The following VPS16 variants were observed in gnomAD, a reference collection of about 807,000 sequenced individuals.
The protein encoded by VPS16 is vacuolar protein sorting-associated protein 16 homolog.
A neutral mutation model predicts 116.0 loss-of-function variants in VPS16; 82 were observed. The ratio of observed to expected loss-of-function variants is 0.71; its 90% CI spans 0.59 to 0.85. VPS16 has a LOEUF of 0.85. VPS16 is among the 40% of genes least tolerant of loss of function. VPS16 has a pLI of 0.00. For missense variants in VPS16, 928 were observed against 1,090.6 expected (o/e 0.85, Z 2.10); for synonymous variants, 406 against 420.7 (o/e 0.96, Z 0.43).
At chr20:2,854,370 A>G (rs550422729) in intron 1 of VPS16, among the ~76,000 whole-genome samples, 1 of 152,034 alleles carries the variant, frequency 6.6e-6, no homozygotes, top group African/African-American at 2.4e-5. Context: ...TCAAGGCTAC[A>G]GTGAGCCATG....
At position 2,851,112 on chromosome 20, in the gene VPS16, A is replaced by G. The variant is rs140426492; in HGVS notation, c.54-8607A>G. On this transcript the variant is annotated intron_variant, in intron 1 of 23. Transcript: ENST00000380445. ...GGTTCAGACCTCGTTGGAAAAATAC[A>G]GTTGCAGCCCACTGGATGGCAGAGA... 5.2e-3 allele frequency among the ~76,000 whole-genome samples: 796 copies of G among 152,324 alleles called. 5 individuals carry two copies. The highest frequency in any genetic ancestry group is 0.018 in the African/African-American group (736 of 41,560).
rs777107234 is a variant in VPS16 at position 2,864,686 on chromosome 20, G to GGGGCGTGTT, written c.1926+36_1926+37insGTGTTGGGC. 8.1e-6 allele frequency: 13 copies of GGGGCGTGTT among 1,606,416 alleles called. No homozygotes were observed. The African/African-American group carries it at 1.7e-4, about 21-fold the overall frequency. ...GATCCATGGGGCGTGTGGGGCGTGT[G>GGGGCGTGTT]GGGCATGTGGGCTGGGGCTGTTGGT... On this transcript the variant is annotated intron_variant, in intron 19 of 23. Coordinates refer to ENST00000380445, the MANE Select transcript of VPS16 (RefSeq NM_022575.4). The surrounding 1 kb of genome is among the most constrained non-coding windows in gnomAD (Gnocchi z 5.2).
In VPS16 at chr20:2,864,597, T is replaced by G. The variant is rs1219853971; in HGVS notation, c.1869T>G (p.Asp623Glu). Residue 623 changes from aspartate (D) to glutamate (E), a missense_variant, in exon 19 of 24, where the codon GAT becomes GAG. By Grantham distance (45) the Asp-to-Glu change is conservative. Transcript: ENST00000380445. The surrounding 1 kb of genome is among the most constrained non-coding windows in gnomAD (Gnocchi z 5.2). Reference sequence around the variant, plus strand: ...CGCTGAAGGACCTTTACAATCAGGATGACAATCACCAGGAATTGGGCAGCT... The same window carrying G: ...CGCTGAAGGACCTTTACAATCAGGAGGACAATCACCAGGAATTGGGCAGCT... ...LETLKDLYNQ[D>E]DNHQELGSFH... is the part of the protein sequence containing the mutation. 6.2e-7 allele frequency: 1 copy of G among 1,614,104 alleles called. No individual in the cohort carries two copies. The highest frequency in any genetic ancestry group is 2.2e-5 in the East Asian group (1 of 44,878).
chr20:2,859,102 A>T (rs2089201363), intron 1 of VPS16, among the ~76,000 whole-genome samples: 1 of 152,172 alleles, frequency 6.6e-6, no homozygotes, highest in Non-Finnish European at 1.5e-5. Flanking sequence ...GTTTGAGACC[A>T]GCCTGGGCAA....
At chr20:2,862,011 G>A (rs1055988102) in intron 10 of VPS16, 43 bp from the exon 11 acceptor site, 5 of 1,610,112 alleles carry the variant, frequency 3.1e-6, no homozygotes, top group Non-Finnish European at 4.2e-6. Flanking sequence ...AGGGCTGAGG[G>A]TTTCCCTGCC....
Position 2,842,672 on chromosome 20 carries a change from CTA to C in VPS16, c.53+1856_53+1857del, listed in dbSNP as rs1231159705. 1.6e-4 allele frequency among the ~76,000 whole-genome samples: 22 copies of C among 139,370 alleles called. 1 individual carries two copies. The highest frequency in any genetic ancestry group is 2.1e-4 in the Admixed American group (3 of 14,246). 91.4% of individuals were successfully genotyped at this position (139,370 alleles called of 152,430 possible). On this transcript the variant is annotated intron_variant, in intron 1 of 23. Coordinates refer to ENST00000380445, the MANE Select transcript of VPS16 (RefSeq NM_022575.4). ...GATATAGATAGATATATAGATGTAT[CTA>C]TATATATATAGATACATCTAGATGT... is the stretch of plus-strand genomic sequence containing the variant.
chr20:2,862,287 C>T (rs2089238304), intron 11 of VPS16, among the ~76,000 whole-genome samples, 157 bp downstream of exon 11: 2 of 152,184 alleles, frequency 1.3e-5, no homozygotes, highest in Admixed American at 1.3e-4. Flanking sequence ...TGAAGAGACA[C>T]TATGTCCTCC....
chr20:2,860,094 T>A lies in VPS16; in HGVS notation c.183T>A (p.Ser61Arg). Residue 61 changes from serine to arginine, a missense_variant, in exon 3 of 24, where the codon AGT (serine) becomes AGA (arginine). By Grantham distance (110) the Ser-to-Arg change is moderately radical. Coordinates refer to ENST00000380445, the MANE Select transcript of VPS16 (RefSeq NM_022575.4). This position sits in a 1 kb window ranked among gnomAD's most constrained non-coding sequence, Gnocchi z 6.1. ...RNPWRKEKAASVRPVLDIYSA... is the reference protein window; with the variant it reads ...RNPWRKEKAARVRPVLDIYSA... ...CCTGGCGGAAGGAGAAAGCTGCTAG[T>A]GTGAGGCCAGTGCTCGATATATACT... 1.2e-6 allele frequency: 2 copies of A among 1,614,034 alleles called. No individual in the cohort carries two copies. The highest frequency in any genetic ancestry group is 8.5e-7 in the Non-Finnish European group (1 of 1,180,002).
At position 2,866,226 on chromosome 20, in the gene VPS16, C is replaced by A. The variant is rs759963744; in HGVS notation, c.2286C>A (p.Ile762=). 12 of 1,614,050 alleles carry A rather than the reference C, an allele frequency of 7.4e-6. No homozygotes were observed. The African/African-American group carries it at 1.1e-4, about 14-fold the overall frequency. The stretch of plus-strand genomic sequence containing the variant: ...TCTCCTCCAAGCCTTTTGTGGAGAT[C>A]TGCATGAAACAACATAACAAATACG... The part of the protein sequence containing the change: ...SPIGYLPFVE[I]CMKQHNKYEA... The change falls in exon 23 of 24, where the codon ATC becomes ATA. Residue 762 remains isoleucine (I), a synonymous_variant. Transcript: ENST00000380445.
In VPS16 at chr20:2,865,083, C is replaced by A; in HGVS notation, c.2004+28C>A. ...TTGGCCCACCTTTTTCCAAGAGCCT[C>A]CTCGTCTCCTGGTCTTCCCTCCTGG... On this transcript the variant is annotated intron_variant, in intron 20 of 23. Coordinates refer to ENST00000380445, the MANE Select transcript of VPS16 (RefSeq NM_022575.4). This position sits in a 1 kb window ranked among gnomAD's most constrained non-coding sequence, Gnocchi z 5.2. 6.2e-7 allele frequency: 1 copy of A among 1,614,190 alleles called. No individual in the cohort carries two copies. The highest frequency in any genetic ancestry group is 1.3e-5 in the African/African-American group (1 of 75,040).
Position 2,864,013 on chromosome 20 carries a change from C to T in VPS16, c.1541C>T (p.Thr514Met), listed in dbSNP as rs752434349. ...GCCATTAACCAGAAGCTGGGGGACA[C>T]GCCTGGTGTCTCTTACTCCGACATT... ...ARAINQKLGDTPGVSYSDIAA... is the reference protein window; with the variant it reads ...ARAINQKLGDMPGVSYSDIAA... Residue 514 changes from threonine (T) to methionine (M), a missense_variant, in exon 16 of 24, where the codon ACG becomes ATG. Physicochemically the swap from Thr to Met is moderately conservative, Grantham distance 81. Transcript: ENST00000380445. This position sits in a 1 kb window ranked among gnomAD's most constrained non-coding sequence, Gnocchi z 5.2. The T allele has an allele frequency of 1.5e-5, 25 of 1,613,984 alleles. No homozygotes were observed. The Admixed American group carries it at 1.8e-4, about 12-fold the overall frequency.
rs544579110 is a variant in VPS16 at position 2,866,468 on chromosome 20, G to A, written c.2414G>A (p.Arg805Gln). 7.0e-5 allele frequency: 113 copies of A among 1,614,166 alleles called. No homozygotes were observed. Among genetic ancestry groups the A allele is most frequent in the South Asian group, 6.9e-4 (63 of 91,080 alleles). ...GCTGCAGATGTGGCCATCGAACACC[G>A]GAATGAGGCTGAGCTGAGCCTCGTA... ...AQAADVAIEH[R>Q]NEAELSLVLS... Residue 805 changes from arginine to glutamine, a missense_variant, in exon 24 of 24, where the codon CGG (arginine) becomes CAG (glutamine). Physicochemically the swap from Arg to Gln is conservative, Grantham distance 43 (BLOSUM62 1). Transcript: ENST00000380445.
rs866700794 is a variant in VPS16 at position 2,866,137 on chromosome 20, C to T, written c.2272-75C>T. The T allele has an allele frequency of 2.8e-5, 37 of 1,313,142 alleles. 1 individual carries two copies. The Middle Eastern group carries it at 1.8e-3, about 64-fold the overall frequency. 81.3% of individuals were successfully genotyped at this position (1,313,142 alleles called of 1,614,324 possible). On this transcript the variant is annotated intron_variant, in intron 22 of 23. Coordinates refer to ENST00000380445, the MANE Select transcript of VPS16 (RefSeq NM_022575.4). ...ATATATATGGACGATGTATGCATTG[C>T]GCCTCTGCTCGTAAGAGAGAGGACA...
intron 1 of VPS16, among the ~76,000 whole-genome samples, chr20:2,845,538 A>C (rs1444498213): frequency 6.6e-6 from 1 of 151,966 alleles, no homozygotes; most frequent in East Asian, 1.9e-4. Context: ...CAAAAAAGTC[A>C]GCTGTGTGTA....
At position 2,865,781 on chromosome 20, in the gene VPS16, C is replaced by T. The variant is rs555414; in HGVS notation, c.2271+286C>T. The T allele has an allele frequency of 0.18, 88,065 of 499,342 alleles. 12,447 individuals are homozygous for T. Among genetic ancestry groups the T allele is most frequent in the African/African-American group, 0.52 (26,867 of 51,676 alleles). 30.9% of individuals were successfully genotyped at this position (499,342 alleles called of 1,614,324 possible). On this transcript the variant is annotated intron_variant, in intron 22 of 23. Coordinates refer to ENST00000380445, the MANE Select transcript of VPS16 (RefSeq NM_022575.4). This position sits in a 1 kb window ranked among gnomAD's most constrained non-coding sequence, Gnocchi z 5.2. The stretch of plus-strand genomic sequence containing the variant: ...CTATGTGCTAGAGGGAAAGTCTTGT[C>T]TGAGGAGGGTGGAGGGGGCACAGGG...
Position 2,860,425 on chromosome 20 carries a change from T to C in VPS16, c.370-24T>C, listed in dbSNP as rs201333581. On this transcript the variant is annotated intron_variant, in intron 4 of 23. Transcript: ENST00000380445. This position sits in a 1 kb window ranked among gnomAD's most constrained non-coding sequence, Gnocchi z 6.1. ...AGAGTTTATGACCCTGTGGCTCCCT[T>C]AACCCATGGCCCCCTTTCCTCAGGA... The C allele has an allele frequency of 3.6e-4, 581 of 1,614,078 alleles. No individual in the cohort carries two copies. Among genetic ancestry groups the C allele is most frequent in the Non-Finnish European group, 4.6e-4 (537 of 1,179,986 alleles).
At position 2,850,351 on chromosome 20, in the gene VPS16, G is replaced by A. The variant is rs929734746; in HGVS notation, c.54-9368G>A. 7.3e-5 allele frequency among the ~76,000 whole-genome samples: 11 copies of A among 151,164 alleles called. No homozygotes were observed. The South Asian group carries it at 1.5e-3, about 20-fold the overall frequency. On this transcript the variant is annotated intron_variant, in intron 1 of 23. Transcript: ENST00000380445. ...AAAAACAAAACAAAACAAAAAGGCC[G>A]GATGCAGTGGCTCATGCCTGTAATC...
At position 2,859,765 on chromosome 20, in the gene VPS16, A is replaced by AG. The variant is rs2089207219; in HGVS notation, c.103dup (p.Asp35GlyfsTer27). ...GGACTGGGACCTGAAGGAGGAACTC[A>AG]GGGATTGCCTGGTGGCTGCTGCACC... is the stretch of plus-strand genomic sequence containing the variant. On this transcript the variant is annotated frameshift_variant, in exon 2 of 24. Transcript: ENST00000380445. LOFTEE classifies it high-confidence loss of function. 6.2e-7 allele frequency: 1 copy of AG among 1,613,000 alleles called. No individual in the cohort carries two copies. Among genetic ancestry groups the AG allele is most frequent in the African/African-American group, 1.3e-5 (1 of 74,844 alleles).
At chr20:2,866,159 G>A in intron 22 of VPS16, 53 bp from the exon 23 acceptor site, 1 of 1,533,588 alleles carries the variant, frequency 6.5e-7, no homozygotes. Context: ...TAAGAGAGAG[G>A]ACAGGAGGGC....
Sources: gnomAD v4.1 joint callset for allele counts (sites outside exome capture counted in the v4.1 genomes callset) on GRCh38, gnomAD v4.1.1 for gene constraint, Gnocchi (gnomAD v3.1) non-coding constraint, MANE v1.5 for transcripts, NCBI Gene and HGNC (gene_info 2026-07-23, HGNC 2026-07-21) for gene names.